The following TMBIM4 variants were observed in gnomAD, a reference collection of about 807,000 sequenced individuals.
TMBIM4 encodes transmembrane BAX inhibitor motif containing 4.
Under a neutral mutation model 27.7 loss-of-function variants are expected in TMBIM4, and 28 were observed. That is an observed-to-expected ratio of 1.01 (90% CI 0.75 to 1.38). The LOEUF is 1.38. TMBIM4 is among the 40% of genes most tolerant of loss of function. TMBIM4 has a pLI of 0.00. For missense variants in TMBIM4, 265 were observed against 277.5 expected (o/e 0.95, Z 0.32); for synonymous variants, 115 against 113.1 (o/e 1.02, Z -0.11).
intron 1 of TMBIM4, chr12:66,169,449 C>T (rs1361708209): frequency 5.8e-6 from 3 of 513,242 alleles, no homozygotes; most frequent in African/African-American, 4.0e-5. Flanking sequence ...ACAAAAACAT[C>T]AGGCCGTGGA....
chr12:66,145,214 A>G (rs2051732183), intron 5 of TMBIM4: 1 of 152,188 alleles, frequency 6.6e-6, no homozygotes, highest in Non-Finnish European at 1.5e-5. Context: ...GGGGGAGGAA[A>G]GAAAGTTTAG....
Position 66,138,706 on chromosome 12 carries a change from C to A in TMBIM4, c.510+18G>T. 2 of 1,528,220 alleles carry A rather than the reference C, an allele frequency of 1.3e-6. No homozygotes were observed. Among genetic ancestry groups the A allele is most frequent in the South Asian group, 1.3e-5 (1 of 79,344 alleles). 94.7% of individuals were successfully genotyped at this position (1,528,220 alleles called of 1,614,324 possible). A position where few individuals can be genotyped will look rare whatever the true frequency, so the allele number is the denominator to read the frequency against. ...AGCCAGAATTATATTTCAAATTAAC[C>A]ATTATAACATAACTTACCTTCAAGA... On this transcript the variant is annotated intron_variant, in intron 6 of 6. Transcript: ENST00000358230.
chr12:66,150,054 T>C (rs1489555240), intron 3 of TMBIM4, among the ~76,000 whole-genome samples: 1 of 152,228 alleles, frequency 6.6e-6, no homozygotes, highest in Non-Finnish European at 1.5e-5. Flanking sequence ...GCATGATGAA[T>C]AGATTTAACA....
chr12:66,154,692 T>C (rs528085257), intron 1 of TMBIM4, among the ~76,000 whole-genome samples: 1 of 152,302 alleles, frequency 6.6e-6, no homozygotes, highest in East Asian at 1.9e-4. Flanking sequence ...GGATGTTCCT[T>C]TTGAAAAACA....
chr12:66,149,315 C>T (rs1222242595), intron 3 of TMBIM4, among the ~76,000 whole-genome samples: 29 of 151,486 alleles, frequency 1.9e-4, no homozygotes, highest in Non-Finnish European at 7.4e-5. Context: ...TGGTGACATG[C>T]GCCTGTAGTC....
intron 1 of TMBIM4, among the ~76,000 whole-genome samples, chr12:66,162,669 C>A (rs550892922): frequency 6.6e-6 from 1 of 152,330 alleles, no homozygotes; most frequent in East Asian, 1.9e-4. Flanking sequence ...CAAAGTGATA[C>A]ATAACATTGT....
chr12:66,162,097 T>A (rs2052050659), intron 1 of TMBIM4, among the ~76,000 whole-genome samples: 1 of 152,066 alleles, frequency 6.6e-6, no homozygotes, highest in Non-Finnish European at 1.5e-5. Flanking sequence ...AGGCCATTCT[T>A]CTCACTATAA....
intron 1 of TMBIM4, chr12:66,169,404 G>C (rs988443930): frequency 1.7e-6 from 1 of 575,728 alleles, no homozygotes; most frequent in Admixed American, 3.4e-5. Context: ...AGCACAGGAC[G>C]GTAAATATAA....
intron 5 of TMBIM4, among the ~76,000 whole-genome samples, chr12:66,141,184 A>G (rs2051662583): frequency 6.6e-6 from 1 of 152,166 alleles, no homozygotes; most frequent in Non-Finnish European, 1.5e-5. Flanking sequence ...AAGAGTAGAA[A>G]TGGCAAATAC....
chr12:66,139,190 T>G (rs968000011), intron 5 of TMBIM4, among the ~76,000 whole-genome samples: 1 of 152,254 alleles, frequency 6.6e-6, no homozygotes, highest in Admixed American at 6.5e-5. Context: ...AAGTTCACAA[T>G]GTACTTTCCA....
intron 3 of TMBIM4, among the ~76,000 whole-genome samples, chr12:66,148,766 T>C (rs187376287): frequency 1.3e-5 from 2 of 152,364 alleles, no homozygotes; most frequent in African/African-American, 4.8e-5. Context: ...TGTTATTTTG[T>C]CACTGTTTAA....
chr12:66,146,222 C>T (rs544817183), intron 4 of TMBIM4, among the ~76,000 whole-genome samples: 3 of 152,160 alleles, frequency 2.0e-5, no homozygotes, highest in South Asian at 2.1e-4. Context: ...AGAGCTATCA[C>T]GCCTGTAGCC....
At chr12:66,162,056 TG>T (rs1183688409) in intron 1 of TMBIM4, among the ~76,000 whole-genome samples, 4 of 148,780 alleles carry the variant, frequency 2.7e-5, no homozygotes, top group African/African-American at 1.0e-4. Flanking sequence ...TCTACTACAC[TG>T]TACTATTCCC....
At chr12:66,164,988 A>G (rs1204159408) in intron 1 of TMBIM4, among the ~76,000 whole-genome samples, 1 of 152,242 alleles carries the variant, frequency 6.6e-6, no homozygotes, top group East Asian at 1.9e-4. Context: ...AACAGCATCA[A>G]AAGGAATAAA....
At position 66,136,889 on chromosome 12, in the gene TMBIM4, C is replaced by G. The variant is rs181698637; in HGVS notation, c.*1071G>C. 3 of 152,224 alleles carry G rather than the reference C, an allele frequency of 2.0e-5. No individual in the cohort carries two copies. The highest frequency in any genetic ancestry group is 7.2e-5 in the African/African-American group (3 of 41,456). The allele number at this position is 152,224 out of a possible 1,614,324, so 9.4% of individuals were successfully genotyped here. On this transcript the variant is annotated 3_prime_UTR_variant, in exon 7 of 7. Coordinates refer to ENST00000358230, the MANE Select transcript of TMBIM4 (RefSeq NM_016056.4). ...CAAAATTTCATTGGTTACTGGTACACTGACCTAACATGCTGTGTGGACCAA... is the reference window on the plus strand; with the variant it reads ...CAAAATTTCATTGGTTACTGGTACAGTGACCTAACATGCTGTGTGGACCAA...
chr12:66,147,944 A>G lies in TMBIM4; in HGVS notation c.313-3T>C. ...ACAGTCAGAGCTTCCAACAGCGTCT[A>G]ATGAAAAGAAACTTAAATTAGTGAC... On this transcript the variant is annotated splice_polypyrimidine_tract_variant and splice_region_variant and intron_variant, in intron 3 of 6. Coordinates refer to ENST00000358230, the MANE Select transcript of TMBIM4 (RefSeq NM_016056.4). 3 of 1,610,808 alleles carry G rather than the reference A, an allele frequency of 1.9e-6. No homozygotes were observed. The highest frequency in any genetic ancestry group is 2.5e-6 in the Non-Finnish European group (3 of 1,178,232).
In TMBIM4 at chr12:66,137,944, G is replaced by A; in HGVS notation, c.*16C>T. On this transcript the variant is annotated 3_prime_UTR_variant, in exon 7 of 7. Transcript: ENST00000358230. The stretch of plus-strand genomic sequence containing the variant: ...ATTTTTTTTGTTGTTCTTCAGTTGA[G>A]CTGAGATACTTTTAATTACTTTTTA... The A allele has an allele frequency of 6.2e-7, 1 of 1,608,268 alleles. No individual in the cohort carries two copies. Among genetic ancestry groups the A allele is most frequent in the East Asian group, 2.2e-5 (1 of 44,798 alleles).
Position 66,167,859 on chromosome 12 carries a change from A to T in TMBIM4, c.97+1996T>A, listed in dbSNP as rs551785194. On this transcript the variant is annotated intron_variant, in intron 1 of 6. Coordinates refer to ENST00000358230, the MANE Select transcript of TMBIM4 (RefSeq NM_016056.4). ...TAGTCAAGAGGTAGAAGCAACACAA[A>T]TGTCCATCAATGGATGAATAAACAA... 2.6e-5 allele frequency among the ~76,000 whole-genome samples: 4 copies of T among 152,332 alleles called. No homozygotes were observed. The East Asian group carries it at 7.7e-4, about 29-fold the overall frequency.
chr12:66,143,355 A>T (rs1247748400), intron 5 of TMBIM4, among the ~76,000 whole-genome samples: 2 of 152,184 alleles, frequency 1.3e-5, no homozygotes, highest in Non-Finnish European at 2.9e-5. Flanking sequence ...AACAAGAAGC[A>T]CAGAATAAAA....
Sources: gnomAD v4.1 joint callset for allele counts (sites outside exome capture counted in the v4.1 genomes callset) on GRCh38, gnomAD v4.1.1 for gene constraint, MANE v1.5 for transcripts, NCBI Gene and HGNC (gene_info 2026-07-23, HGNC 2026-07-21) for gene names.